Variants in GLRA2 observed in about 807,000 individuals in gnomAD.
GLRA2 encodes glycine receptor subunit alpha-2.
Under a neutral mutation model 31.6 loss-of-function variants are expected in GLRA2, and 11 were observed. The ratio of observed to expected loss-of-function variants is 0.35; its 90% CI spans 0.22 to 0.58. The LOEUF is 0.58. Ranked by LOEUF, GLRA2 falls within the 20% of genes least tolerant of loss-of-function variation. GLRA2 has a pLI of 0.84. For missense variants in GLRA2, 212 were observed against 351.8 expected, an observed-to-expected ratio of 0.60 and a Z score of 3.18; for synonymous variants, 132 against 134.0, an observed-to-expected ratio of 0.99 and a Z score of 0.10.
chrX:14,462,175 C>T, the GLRA2 span, among the ~76,000 whole-genome samples: 21 of 111,852 alleles, frequency 1.9e-4, no homozygotes, highest in African/African-American at 6.2e-4. Flanking sequence ...GAACATTGGC[C>T]CTCAGTCTCT....
the GLRA2 span, among the ~76,000 whole-genome samples, chrX:14,461,060 A>G: frequency 9.0e-6 from 1 of 111,350 alleles, no homozygotes; most frequent in African/African-American, 3.3e-5. Context: ...TACATTGTGT[A>G]TTTGTTCTCA....
At chrX:14,579,550 G>A (rs2089993839) in intron 3 of GLRA2, among the ~76,000 whole-genome samples, 1 of 111,319 alleles carries the variant, frequency 9.0e-6, no homozygotes, top group South Asian at 3.8e-4. Flanking sequence ...GGCTGGTCTC[G>A]AACACCTGAC....
In GLRA2 at chrX:14,684,407, C is replaced by A. The variant is rs370799421; in HGVS notation, c.931-6303C>A. On this transcript the variant is annotated intron_variant, in intron 7 of 8. Transcript: ENST00000218075. ...CATTGAATCTATAAATTACCTTGGG[C>A]AGTATGGCCATTTTCAGGATATTGA... 1.7e-3 allele frequency among the ~76,000 whole-genome samples: 189 copies of A among 111,657 alleles called. 4 individuals carry two copies. The South Asian group carries it at 0.07, about 42-fold the overall frequency.
At chrX:14,526,449 G>C (rs779755174), upstream of GLRA2, among the ~76,000 whole-genome samples, 1 of 112,374 alleles carries the variant, frequency 8.9e-6, no homozygotes, top group South Asian at 3.7e-4. Flanking sequence ...AAGACCAGCT[G>C]TTGGTTCAGG....
the GLRA2 span, among the ~76,000 whole-genome samples, chrX:14,466,280 T>C: frequency 2.7e-5 from 3 of 111,034 alleles, no homozygotes; most frequent in Non-Finnish European, 5.7e-5. Context: ...CTTGGAAATT[T>C]AGTTGTTCCT....
chrX:14,720,692 T>C (rs1263118032), intron 8 of GLRA2, among the ~76,000 whole-genome samples: 1 of 112,009 alleles, frequency 8.9e-6, no homozygotes, highest in Non-Finnish European at 1.9e-5. Flanking sequence ...AACATCTTTC[T>C]TTTTCTATAA....
chrX:14,659,964 G>A (rs753840539), intron 7 of GLRA2, among the ~76,000 whole-genome samples: 2 of 112,137 alleles, frequency 1.8e-5, no homozygotes, highest in East Asian at 5.6e-4. Context: ...ATCAAGAAAT[G>A]TTTATGGGGC....
At chrX:14,585,358 T>C (rs1301043215) in intron 4 of GLRA2, among the ~76,000 whole-genome samples, 1 of 111,273 alleles carries the variant, frequency 9.0e-6, no homozygotes, top group African/African-American at 3.3e-5. Context: ...AATTAAGTAA[T>C]AGGAATAAAT....
At chrX:14,474,475 T>C in the GLRA2 span, among the ~76,000 whole-genome samples, 2 of 111,850 alleles carry the variant, frequency 1.8e-5, no homozygotes, top group Non-Finnish European at 3.8e-5. Flanking sequence ...CAAAATGTAG[T>C]GTCTTCAAGA....
intron 2 of GLRA2, among the ~76,000 whole-genome samples, chrX:14,547,072 A>G (rs2089492018): frequency 8.9e-6 from 1 of 111,798 alleles, no homozygotes; most frequent in Non-Finnish European, 1.9e-5. Context: ...ACATCACAGA[A>G]TGACACCTTT....
chrX:14,560,797 C>CAAAAAAAAA (rs760583127), intron 2 of GLRA2, among the ~76,000 whole-genome samples: 29 of 41,224 alleles, frequency 7.0e-4, no homozygotes, highest in African/African-American at 9.4e-4. Context: ...GACCCTGTCT[C>CAAAAAAAAA]AAAAAAAAAA....
In GLRA2 at chrX:14,545,149, T is replaced by A. The variant is rs182408848; in HGVS notation, c.202+12777T>A. On this transcript the variant is annotated intron_variant, in intron 2 of 8. Transcript: ENST00000218075. ...CCCACAGATAATGGGATACCAATTGTCTTAGTGCATTTTGTGTTGCTATGA... is the reference window on the plus strand; with the variant it reads ...CCCACAGATAATGGGATACCAATTGACTTAGTGCATTTTGTGTTGCTATGA... 1.4e-3 allele frequency among the ~76,000 whole-genome samples: 160 copies of A among 112,105 alleles called. 1 individual carries two copies. Among genetic ancestry groups the A allele is most frequent in the Non-Finnish European group, 1.7e-3 (92 of 53,110 alleles).
intron 2 of GLRA2, among the ~76,000 whole-genome samples, chrX:14,557,342 C>T (rs765404519): frequency 2.9e-4 from 32 of 109,951 alleles, no homozygotes; most frequent in African/African-American, 1.0e-3. Context: ...GTCTTGATCT[C>T]CTGACCTCGT....
intron 2 of GLRA2, among the ~76,000 whole-genome samples, chrX:14,550,912 C>A (rs1818644195): frequency 8.9e-6 from 1 of 111,772 alleles, no homozygotes; most frequent in Non-Finnish European, 1.9e-5. Context: ...TTCCTCACTG[C>A]ACCCATGCGT....
intron 7 of GLRA2, among the ~76,000 whole-genome samples, chrX:14,621,061 A>C (rs2090509139): frequency 9.0e-6 from 1 of 111,634 alleles, no homozygotes; most frequent in African/African-American, 3.3e-5. Context: ...ATGTTTTTCA[A>C]CTTTGCATGA....
At chrX:14,607,404 GCTCA>G in intron 6 of GLRA2, 136 bp downstream of exon 6, 2 of 479,348 alleles carry the variant, frequency 4.2e-6, no homozygotes, top group Non-Finnish European at 6.8e-6. Flanking sequence ...ACCTGATTTG[GCTCA>G]AAACTCCCTC....
chrX:14,581,371 G>A lies in GLRA2; in HGVS notation c.459G>A (p.Arg153=), dbSNP rs906249145. The change falls in exon 4 of 9, where the codon CGG becomes CGA. Residue 153 remains arginine, a synonymous_variant. Coordinates refer to ENST00000218075, the MANE Select transcript of GLRA2 (RefSeq NM_002063.4). ...TCACCACTGACAACAAATTGCTACG[G>A]ATTTCGAAAAATGGCAAAGTGCTCT... ...HDVTTDNKLL[R]ISKNGKVLYS... is the part of the protein sequence containing the mutation. 6.7e-6 allele frequency: 8 copies of A among 1,199,034 alleles called. No homozygotes were observed. Among genetic ancestry groups the A allele is most frequent in the Non-Finnish European group, 9.0e-6 (8 of 884,005 alleles).
In GLRA2 at chrX:14,581,176, T is replaced by G. The variant is rs367967202; in HGVS notation, c.271-7T>G. On this transcript the variant is annotated splice_region_variant and splice_polypyrimidine_tract_variant and intron_variant, in intron 3 of 8. Coordinates refer to ENST00000218075, the MANE Select transcript of GLRA2 (RefSeq NM_002063.4). The stretch of plus-strand genomic sequence containing the variant: ...ATCAGTAACACTTGTCCACGGCATT[T>G]CTGTAGGACTACCGAGTGAATATTT... The G allele has an allele frequency of 9.3e-7, 1 of 1,080,498 alleles. No individual in the cohort carries two copies. 89.0% of individuals were successfully genotyped at this position (1,080,498 alleles called of 1,213,427 possible). A position where few individuals can be genotyped will look rare whatever the true frequency, so the allele number is the denominator to read the frequency against.
chrX:14,714,167 G>T lies in GLRA2; in HGVS notation c.1081-16040G>T, dbSNP rs945854628. Among the ~76,000 whole-genome samples, 3 of 110,062 alleles carry T rather than the reference G, an allele frequency of 2.7e-5. No individual in the cohort carries two copies. The Admixed American group carries it at 3.0e-4, about 11-fold the overall frequency. On this transcript the variant is annotated intron_variant, in intron 8 of 8. Transcript: ENST00000218075. Reference sequence around the variant, plus strand: ...TTGCATAGCCCCACATAGGTGTAGGGGAGGCTAGAATATTCAGACTTTCCA... The same window carrying T: ...TTGCATAGCCCCACATAGGTGTAGGTGAGGCTAGAATATTCAGACTTTCCA...
Sources: allele counts gnomAD v4.1 joint callset (sites outside exome capture counted in the v4.1 genomes callset), GRCh38; gene constraint gnomAD v4.1.1; transcripts MANE v1.5; gene names NCBI Gene and HGNC (gene_info 2026-07-23, HGNC 2026-07-21).